SLC17A6: variants seen among roughly 807,000 people sequenced by gnomAD.
The protein encoded by SLC17A6 is solute carrier family 17 member 6, also known as vesicular glutamate transporter 2.
SLC17A6 carries 35 observed loss-of-function variants against 67.1 expected under a neutral mutation model. That is an observed-to-expected ratio of 0.52 (90% confidence interval 0.40 to 0.69). SLC17A6 has a LOEUF of 0.69. Ranked by LOEUF, SLC17A6 falls within the 30% of genes least tolerant of loss-of-function variation. The pLI is 0.00. For synonymous variants in SLC17A6, 285 were observed against 252.3 expected (o/e 1.13, Z -1.23); for missense variants, 588 against 723.9 (o/e 0.81, Z 2.15).
chr11:22,367,289 A>T (rs74796658), intron 7 of SLC17A6, among the ~76,000 whole-genome samples: 1 of 152,114 alleles, frequency 6.6e-6, no homozygotes, highest in Non-Finnish European at 1.5e-5. Context: ...GTTAAAAAAA[A>T]AAAAAGTCTA....
intron 3 of SLC17A6, among the ~76,000 whole-genome samples, chr11:22,355,652 C>T (rs1855986176): frequency 6.6e-6 from 1 of 152,146 alleles, no homozygotes; most frequent in Non-Finnish European, 1.5e-5. Context: ...TCCTCAAAGC[C>T]TCCTCATCCA....
In SLC17A6 at chr11:22,362,845, A is replaced by G. The variant is rs754128331; in HGVS notation, c.748+20A>G. On this transcript the variant is annotated intron_variant, in intron 6 of 11. Coordinates refer to ENST00000263160, the MANE Select transcript of SLC17A6 (RefSeq NM_020346.3). Reference sequence around the variant, plus strand: ...TCTACGGTATGTTATATTTCTATGCAATAGAGTTAAAGGAAATGTGCATAG... The same window carrying G: ...TCTACGGTATGTTATATTTCTATGCGATAGAGTTAAAGGAAATGTGCATAG... The G allele has an allele frequency of 6.3e-7, 1 of 1,584,212 alleles. No homozygotes were observed. Among genetic ancestry groups the G allele is most frequent in the African/African-American group, 1.3e-5 (1 of 74,304 alleles).
chr11:22,362,734 T>G lies in SLC17A6; in HGVS notation c.662-5T>G. On this transcript the variant is annotated splice_polypyrimidine_tract_variant and splice_region_variant and intron_variant, in intron 5 of 11. Coordinates refer to ENST00000263160, the MANE Select transcript of SLC17A6 (RefSeq NM_020346.3). The stretch of plus-strand genomic sequence containing the variant: ...ACCTTTCTCCCATTCTTCCTTACAC[T>G]TTAGGTTCCTATGCCGGAGCTGTGA... 1 of 1,612,540 alleles carries G rather than the reference T, an allele frequency of 6.2e-7. No individual in the cohort carries two copies. The highest frequency in any genetic ancestry group is 8.5e-7 in the Non-Finnish European group (1 of 1,178,572).
chr11:22,358,178 G>A (rs552173374), intron 3 of SLC17A6, among the ~76,000 whole-genome samples: 1 of 151,176 alleles, frequency 6.6e-6, no homozygotes, highest in Non-Finnish European at 1.5e-5. Flanking sequence ...CTCGTGTTTG[G>A]CTTGATAAAA....
chr11:22,361,853 T>C (rs1401289802), intron 5 of SLC17A6, among the ~76,000 whole-genome samples: 1 of 152,194 alleles, frequency 6.6e-6, no homozygotes, highest in East Asian at 1.9e-4. Flanking sequence ...CCAAATCAGA[T>C]ATTAGAACTG....
At position 22,379,394 on chromosome 11, in the gene SLC17A6, G is replaced by A. The variant is rs1262401832; in HGVS notation, c.*1654G>A. On this transcript the variant is annotated 3_prime_UTR_variant, in exon 12 of 12. Transcript: ENST00000263160. ...TACCCTTTGCTTTGTGCCTCAAAGT[G>A]ATGTAATGTGATCACAGCTTTTGTT... 6.6e-6 allele frequency: 1 copy of A among 152,470 alleles called. No individual in the cohort carries two copies. The highest frequency in any genetic ancestry group is 1.9e-4 in the East Asian group (1 of 5,186). The allele number at this position is 152,470 out of a possible 1,614,324, so 9.4% of individuals were successfully genotyped here.
chr11:22,344,332 ATAG>A (rs1855852116), intron 3 of SLC17A6, among the ~76,000 whole-genome samples: 1 of 152,094 alleles, frequency 6.6e-6, no homozygotes, highest in South Asian at 2.1e-4. Context: ...CATCTCCCTA[ATAG>A]TGGTCATATG....
chr11:22,376,536 G>A lies in SLC17A6; in HGVS notation c.1286-9G>A. On this transcript the variant is annotated splice_polypyrimidine_tract_variant and intron_variant, in intron 10 of 11. Coordinates refer to ENST00000263160, the MANE Select transcript of SLC17A6 (RefSeq NM_020346.3). ...ATGCCCTGAGTCAAAACTTATGTGT[G>A]TATTTCAGGTTTCAATGTTAACCAC... 1.2e-6 allele frequency: 2 copies of A among 1,613,780 alleles called. No homozygotes were observed. The highest frequency in any genetic ancestry group is 1.7e-6 in the Non-Finnish European group (2 of 1,179,828).
chr11:22,347,841 G>C (rs1203185037), intron 3 of SLC17A6, among the ~76,000 whole-genome samples: 1 of 152,142 alleles, frequency 6.6e-6, no homozygotes, highest in Admixed American at 6.6e-5. Flanking sequence ...ATTTTAGCTT[G>C]AGGTTAGACT....
chr11:22,343,523 G>A lies in SLC17A6; in HGVS notation c.458+158G>A, dbSNP rs371557069. ...ACACCCTCTCAGGGCTGGAGCTGCT[G>A]GTGACTCCTTCCTGAATTAGTCGCC... On this transcript the variant is annotated intron_variant, in intron 3 of 11. Transcript: ENST00000263160. Among the ~76,000 whole-genome samples the A allele has an allele frequency of 2.5e-4, 38 of 152,282 alleles. 1 individual carries two copies. In the East Asian group the frequency reaches 3.7e-3, roughly 15 times the overall value.
rs139985291 is a variant in SLC17A6, at chr11:22,360,517, C to T, written c.574-380C>T. On this transcript the variant is annotated intron_variant, in intron 4 of 11. Coordinates refer to ENST00000263160, the MANE Select transcript of SLC17A6 (RefSeq NM_020346.3). ...TAATAAAAAACGAAACCAAAAAACC[C>T]GCTCTCCTTCCCCCCCCCCCAAAAA... is the stretch of plus-strand genomic sequence containing the variant. Among the ~76,000 whole-genome samples, 28 of 143,448 alleles carry T rather than the reference C, an allele frequency of 2.0e-4. No individual in the cohort carries two copies. The East Asian group carries it at 3.7e-3, about 19-fold the overall frequency. The allele number at this position is 143,448 out of a possible 152,430, so 94.1% of individuals were successfully genotyped here. A position where few individuals can be genotyped will look rare whatever the true frequency, so the allele number is the denominator to read the frequency against.
At chr11:22,364,876 GC>G (rs1590390422) in intron 6 of SLC17A6, among the ~76,000 whole-genome samples, 1 of 152,208 alleles carries the variant, frequency 6.6e-6, no homozygotes, top group East Asian at 1.9e-4. Flanking sequence ...ACAGCTTAGG[GC>G]CTTGGAATTT....
In SLC17A6 at chr11:22,360,889, C is replaced by T. The variant is rs1856045110; in HGVS notation, c.574-8C>T. 1 of 1,612,860 alleles carries T rather than the reference C, an allele frequency of 6.2e-7. No individual in the cohort carries two copies. On this transcript the variant is annotated splice_region_variant and splice_polypyrimidine_tract_variant and intron_variant, in intron 4 of 11. Coordinates refer to ENST00000263160, the MANE Select transcript of SLC17A6 (RefSeq NM_020346.3). ...GGTGACAGTGATGAGTATCTTCCCC[C>T]ATCACAGGGTGTGACCTACCCAGCA...
chr11:22,343,205 C>T (rs753724813), intron 2 of SLC17A6, 42 bp from the exon 3 acceptor site: 3 of 1,517,064 alleles, frequency 2.0e-6, no homozygotes, highest in Non-Finnish European at 2.7e-6. Context: ...TTGGTACTGA[C>T]TCTACTCTTT....
At chr11:22,342,959 C>G (rs890243569) in intron 2 of SLC17A6, 8 of 525,792 alleles carry the variant, frequency 1.5e-5, no homozygotes, top group Admixed American at 1.1e-4. Flanking sequence ...AGACGGGGGC[C>G]CTCTAGATTC....
chr11:22,374,711 A>T (rs372665220), intron 8 of SLC17A6, 44 bp from the exon 9 acceptor site: 1 of 1,502,926 alleles, frequency 6.7e-7, no homozygotes, highest in African/African-American at 1.4e-5. Context: ...TGCCCATATT[A>T]TTTATGGTTA....
rs774906041 is a variant in SLC17A6 at position 22,341,688 on chromosome 11, A to G, written c.247A>G (p.Ile83Val). ...CATCATGAGCGGCCTGGGCTTCTGC[A>G]TCTCCTTCGGTATCCGCTGCAACCT... Reference protein sequence around the residue: ...IAIMSGLGFCISFGIRCNLGV... With the variant: ...IAIMSGLGFCVSFGIRCNLGV... Residue 83 changes from isoleucine (I) to valine (V), a missense_variant, in exon 2 of 12, where the codon ATC (isoleucine) becomes GTC (valine). Around this residue, in one of 4 missense-constraint regions of SLC17A6, gnomAD observed 9 missense variants for 25.3 expected, o/e 0.36. Coordinates refer to ENST00000263160, the MANE Select transcript of SLC17A6 (RefSeq NM_020346.3). 1 of 1,614,192 alleles carries G rather than the reference A, an allele frequency of 6.2e-7. No individual in the cohort carries two copies. Among genetic ancestry groups the G allele is most frequent in the Non-Finnish European group, 8.5e-7 (1 of 1,180,036 alleles).
At chr11:22,365,398 A>G in intron 6 of SLC17A6, 149 bp from the exon 7 acceptor site, 2 of 898,152 alleles carry the variant, frequency 2.2e-6, no homozygotes, top group Non-Finnish European at 3.5e-6. Context: ...GGCAAAAGAG[A>G]AGAAAAGATG....
At chr11:22,362,294 G>A (rs768173720) in intron 5 of SLC17A6, 16 of 392,770 alleles carry the variant, frequency 4.1e-5, no homozygotes, top group Non-Finnish European at 7.5e-5. Flanking sequence ...AGAGACCGCT[G>A]GCAGAGAAAA....
Sources: gnomAD v4.1 joint callset for allele counts (sites outside exome capture counted in the v4.1 genomes callset) on GRCh38, gnomAD v4.1.1 for gene constraint, gnomAD v4.1.1 regional missense constraint, MANE v1.5 for transcripts, NCBI Gene and HGNC (gene_info 2026-07-23, HGNC 2026-07-21) for gene names.